NHSL2: variants seen among roughly 807,000 people sequenced by gnomAD.
NHSL2 encodes the protein NHS-like protein 2.
A neutral mutation model predicts 53.4 loss-of-function variants in NHSL2; 27 were observed. That is an observed-to-expected ratio of 0.51 (90% CI 0.37 to 0.70). The LOEUF is 0.70. NHSL2 is among the 30% of genes least tolerant of loss of function. NHSL2 has a pLI of 0.00. For synonymous variants in NHSL2, 408 were observed against 404.1 expected, an observed-to-expected ratio of 1.01 and a Z score of -0.12; for missense variants, 892 against 980.1, an observed-to-expected ratio of 0.91 and a Z score of 1.20.
intron 1 of NHSL2, chrX:72,130,195 C>T: frequency 2.5e-6 from 3 of 1,210,656 alleles, no homozygotes; most frequent in Non-Finnish European, 3.4e-6. Flanking sequence ...CTCCACCTCA[C>T]CATAGGTCTC....
chrX:71,920,783 C>G (rs777024877), intron 1 of NHSL2, among the ~76,000 whole-genome samples: 20 of 108,979 alleles, frequency 1.8e-4, no homozygotes, highest in African/African-American at 6.9e-4. Flanking sequence ...AGTAATAATG[C>G]GAGGTTAGGT....
Position 72,134,658 on chromosome X carries a change from T to G in NHSL2, c.714T>G (p.Pro238=). The G allele has an allele frequency of 2.6e-6, 3 of 1,167,240 alleles. No homozygotes were observed. Among genetic ancestry groups the G allele is most frequent in the Non-Finnish European group, 2.3e-6 (2 of 872,095 alleles). The part of the protein sequence containing the change: ...PLPILEEKRW[P]QLCSTQSDIV... ...CCATCCTAGAGGAGAAGCGGTGGCC[T>G]CAGCTTTGCTCCACGCAGTCTGACA... is the stretch of plus-strand genomic sequence containing the variant. The change falls in exon 4 of 8, where the codon CCT becomes CCG. Residue 238 remains proline, a synonymous_variant. Coordinates refer to ENST00000633930, the MANE Select transcript of NHSL2 (RefSeq NM_001013627.3).
intron 1 of NHSL2, among the ~76,000 whole-genome samples, chrX:72,097,713 A>G (rs2041954781): frequency 8.9e-6 from 1 of 111,927 alleles, no homozygotes; most frequent in Non-Finnish European, 1.9e-5. Context: ...TGAGGTTCCC[A>G]TCTGCCCTGG....
intron 1 of NHSL2, among the ~76,000 whole-genome samples, chrX:72,034,654 GGTA>G (rs1189241422): frequency 9.0e-6 from 1 of 111,718 alleles, no homozygotes; most frequent in African/African-American, 3.2e-5. Flanking sequence ...ATTGAACTTT[GGTA>G]GTTTGTGGTT....
chrX:72,098,572 C>T (rs1394267289), intron 1 of NHSL2, among the ~76,000 whole-genome samples: 2 of 90,020 alleles, frequency 2.2e-5, no homozygotes, highest in East Asian at 3.4e-4. Context: ...CAGAGCAAGA[C>T]TCCGTCTCAA....
chrX:72,007,525 A>G (rs2042099422), intron 1 of NHSL2, among the ~76,000 whole-genome samples: 1 of 112,897 alleles, frequency 8.9e-6, no homozygotes, highest in Admixed American at 9.3e-5. Context: ...GAGTTGCCCC[A>G]CATCACTGGC....
intron 1 of NHSL2, among the ~76,000 whole-genome samples, chrX:72,066,115 C>A (rs1173731742): frequency 1.8e-5 from 2 of 111,383 alleles, no homozygotes; most frequent in South Asian, 7.6e-4. Flanking sequence ...AGGGAGCCCA[C>A]TGAAGAAGAT....
At chrX:71,943,242 A>G (rs975674720) in intron 1 of NHSL2, among the ~76,000 whole-genome samples, 17 of 111,808 alleles carry the variant, frequency 1.5e-4, no homozygotes, top group African/African-American at 5.5e-4. Flanking sequence ...GCACGCCACC[A>G]TGCCCATCTC....
intron 1 of NHSL2, among the ~76,000 whole-genome samples, chrX:72,106,543 G>A (rs2042041931): frequency 1.8e-5 from 2 of 111,834 alleles, no homozygotes; most frequent in African/African-American, 6.5e-5. Flanking sequence ...CAACCATTGT[G>A]GAAGACAGTG....
chrX:72,078,693 G>A (rs970150072), intron 1 of NHSL2, among the ~76,000 whole-genome samples: 5 of 111,799 alleles, frequency 4.5e-5, no homozygotes, highest in African/African-American at 9.8e-5. Flanking sequence ...CTTACGCCTC[G>A]GACTACTTAA....
intron 1 of NHSL2, among the ~76,000 whole-genome samples, chrX:71,940,577 C>T (rs922193363): frequency 5.4e-5 from 6 of 111,228 alleles, no homozygotes; most frequent in Admixed American, 2.9e-4. Context: ...GGAGATGGAA[C>T]TCGCAGAGTG....
intron 1 of NHSL2, among the ~76,000 whole-genome samples, chrX:71,991,613 T>G (rs888058793): frequency 1.2e-4 from 14 of 112,455 alleles, no homozygotes; most frequent in African/African-American, 4.2e-4. Context: ...TGGTGCCCAT[T>G]TATAGACTAG....
intron 1 of NHSL2, among the ~76,000 whole-genome samples, chrX:72,008,851 G>A (rs1261837883): frequency 8.9e-6 from 1 of 111,804 alleles, no homozygotes; most frequent in Non-Finnish European, 1.9e-5. Flanking sequence ...CTCTGGCCTG[G>A]ATTATTTTAG....
chrX:72,083,523 C>G (rs1007506683), intron 1 of NHSL2, among the ~76,000 whole-genome samples: 4 of 112,239 alleles, frequency 3.6e-5, no homozygotes. Context: ...AGGCCTCAGG[C>G]TCAAAGACAT....
At position 72,147,210 on chromosome X, in the gene NHSL2, C is replaced by G. The variant is rs1177116581; in HGVS notation, c.*3636C>G. On this transcript the variant is annotated 3_prime_UTR_variant, in exon 8 of 8. Transcript: ENST00000633930. Reference sequence around the variant, plus strand: ...TCAGTGCTCTGTTCCTCACTCGTTCCACCTTCCATTATCAAGTCTGTGACA... The same window carrying G: ...TCAGTGCTCTGTTCCTCACTCGTTCGACCTTCCATTATCAAGTCTGTGACA... 8.9e-6 allele frequency: 1 copy of G among 112,136 alleles called. No homozygotes were observed. Among genetic ancestry groups the G allele is most frequent in the Admixed American group, 9.4e-5 (1 of 10,612 alleles). The allele number at this position is 112,136 out of a possible 1,213,427, so 9.2% of individuals were successfully genotyped here.
intron 1 of NHSL2, among the ~76,000 whole-genome samples, chrX:72,086,950 C>T (rs1263977695): frequency 9.0e-6 from 1 of 111,645 alleles, no homozygotes; most frequent in Non-Finnish European, 1.9e-5. Flanking sequence ...AAAACAGAGA[C>T]TTGAACAGGT....
chrX:71,951,940 G>A (rs2041822948), intron 1 of NHSL2, among the ~76,000 whole-genome samples: 1 of 111,568 alleles, frequency 9.0e-6, no homozygotes, highest in African/African-American at 3.3e-5. Context: ...GTCCCACCCT[G>A]CTGTGATAGC....
At chrX:72,097,437 G>C (rs985483475) in intron 1 of NHSL2, among the ~76,000 whole-genome samples, 2 of 111,925 alleles carry the variant, frequency 1.8e-5, no homozygotes, top group South Asian at 7.4e-4. Flanking sequence ...GGGGGAGAAG[G>C]GGGAGGGGAA....
intron 1 of NHSL2, among the ~76,000 whole-genome samples, chrX:72,024,388 C>T (rs878898913): frequency 7.4e-4 from 83 of 111,839 alleles, no homozygotes; most frequent in African/African-American, 2.5e-3. Context: ...CCTTGAAACA[C>T]GGGCTTACTT....
Sources: gnomAD v4.1 joint callset for allele counts (sites outside exome capture counted in the v4.1 genomes callset) on GRCh38, gnomAD v4.1.1 for gene constraint, MANE v1.5 for transcripts, NCBI Gene and HGNC (gene_info 2026-07-23, HGNC 2026-07-21) for gene names.